PPARGC1B: variants seen among roughly 807,000 people sequenced by gnomAD.
PPARGC1B encodes PPARG coactivator 1 beta.
PPARGC1B carries 34 observed loss-of-function variants against 101.6 expected under a neutral mutation model. That is an observed-to-expected ratio of 0.33 (90% CI 0.25 to 0.45). The LOEUF is 0.45. Ranked by LOEUF, PPARGC1B falls within the 20% of genes least tolerant of loss-of-function variation. The probability of loss-of-function intolerance (pLI) is 1.00; values close to 1 mark genes in which losing one functional copy is unlikely to be tolerated. For synonymous variants in PPARGC1B, 548 were observed against 539.3 expected, an observed-to-expected ratio of 1.02 and a Z score of -0.22; for missense variants, 1,234 against 1,317.6, an observed-to-expected ratio of 0.94 and a Z score of 0.98.
chr5:149,748,100 A>G (rs973585167), intron 1 of PPARGC1B, among the ~76,000 whole-genome samples: 11 of 152,192 alleles, frequency 7.2e-5, no homozygotes, highest in Non-Finnish European at 1.5e-4. Flanking sequence ...GAGGAGGGGC[A>G]GTACCAGCCG....
At chr5:149,827,148 G>C (rs559329068) in intron 3 of PPARGC1B, among the ~76,000 whole-genome samples, 2 of 152,214 alleles carry the variant, frequency 1.3e-5, no homozygotes, top group South Asian at 2.1e-4. Flanking sequence ...ACCAAGTTAC[G>C]TGTTAAATCC....
chr5:149,766,345 T>C (rs1460350995), intron 1 of PPARGC1B, among the ~76,000 whole-genome samples: 1 of 152,222 alleles, frequency 6.6e-6, no homozygotes, highest in African/African-American at 2.4e-5. Context: ...TTAATCTATA[T>C]ATTTAAAGGT....
chr5:149,774,330 G>A (rs1016547077), intron 1 of PPARGC1B, among the ~76,000 whole-genome samples: 5 of 152,274 alleles, frequency 3.3e-5, no homozygotes, highest in Middle Eastern at 6.8e-3. Context: ...ACTGGGCTCC[G>A]GTTTCCTCAC....
chr5:149,750,842 G>T (rs1049644439), intron 1 of PPARGC1B, among the ~76,000 whole-genome samples: 1 of 152,226 alleles, frequency 6.6e-6, no homozygotes, highest in South Asian at 2.1e-4. Flanking sequence ...AAGTACGCAC[G>T]ATGGGTGCCC....
At chr5:149,732,778 G>GAGAA (rs1754551311) in intron 1 of PPARGC1B, 1 of 472,420 alleles carries the variant, frequency 2.1e-6, no homozygotes, top group Non-Finnish European at 4.4e-6. Context: ...TGCGAGGAGT[G>GAGAA]AGCGGCTTGT....
At position 149,830,791 on chromosome 5, in the gene PPARGC1B, T is replaced by A; in HGVS notation, c.490T>A (p.Ser164Thr). Residue 164 changes from serine to threonine, a missense_variant, in exon 4 of 12, where the codon TCC (serine) becomes ACC (threonine). By Grantham distance (58) the Ser-to-Thr change is moderately conservative. Around this residue, in one of 3 missense-constraint regions of PPARGC1B, gnomAD observed 734 missense variants for 768.4 expected, o/e 0.96. Coordinates refer to ENST00000309241, the MANE Select transcript of PPARGC1B (RefSeq NM_133263.4). ...SLLQKLLLAT[S>T]YPTSSSDTQK... Reference sequence around the variant, plus strand: ...GCTGCAGAAGCTCCTCCTGGCCACATCCTACCCAACATCAAGCTCTGACAC... The same window carrying A: ...GCTGCAGAAGCTCCTCCTGGCCACAACCTACCCAACATCAAGCTCTGACAC... 3 of 1,614,034 alleles carry A rather than the reference T, an allele frequency of 1.9e-6. No individual in the cohort carries two copies. The East Asian group carries it at 6.7e-5, about 36-fold the overall frequency.
chr5:149,762,915 C>T (rs1378533101), intron 1 of PPARGC1B, among the ~76,000 whole-genome samples: 1 of 152,114 alleles, frequency 6.6e-6, no homozygotes, highest in East Asian at 1.9e-4. Context: ...GCCTCCCAAG[C>T]AGCTGAAACT....
chr5:149,734,660 C>T (rs1353122528), intron 1 of PPARGC1B, among the ~76,000 whole-genome samples: 1 of 152,130 alleles, frequency 6.6e-6, no homozygotes, highest in Non-Finnish European at 1.5e-5. Flanking sequence ...CTCCATCAAA[C>T]TCATTCCTGG....
chr5:149,857,228 C>T (rs1021764922), downstream of PPARGC1B, among the ~76,000 whole-genome samples: 3 of 152,190 alleles, frequency 2.0e-5, no homozygotes, highest in Non-Finnish European at 2.9e-5. Context: ...GAAATTAGAT[C>T]GTGCACAGTA....
intron 1 of PPARGC1B, among the ~76,000 whole-genome samples, chr5:149,737,445 T>G (rs1392794905): frequency 6.6e-6 from 1 of 152,170 alleles, no homozygotes; most frequent in Non-Finnish European, 1.5e-5. Flanking sequence ...TGTGTCTTCC[T>G]TCTCCATTTC....
chr5:149,735,007 C>T (rs1334078569), intron 1 of PPARGC1B, among the ~76,000 whole-genome samples: 3 of 152,208 alleles, frequency 2.0e-5, no homozygotes, highest in Non-Finnish European at 4.4e-5. Context: ...AATGGCTCCA[C>T]ACACCCCTTG....
chr5:149,856,200 TAAACTC>T (rs921329063), downstream of PPARGC1B, among the ~76,000 whole-genome samples: 1 of 152,256 alleles, frequency 6.6e-6, no homozygotes, highest in African/African-American at 2.4e-5. Flanking sequence ...ATTTATTACA[TAAACTC>T]ATACAAACTC....
chr5:149,842,679 G>A (rs767328892), intron 10 of PPARGC1B, among the ~76,000 whole-genome samples: 1 of 152,232 alleles, frequency 6.6e-6, no homozygotes, highest in Admixed American at 6.5e-5. Context: ...CTTTCTGCAG[G>A]AGTTCAGACA....
intron 1 of PPARGC1B, among the ~76,000 whole-genome samples, chr5:149,795,670 A>T (rs536178519): frequency 6.6e-6 from 1 of 152,128 alleles, no homozygotes; most frequent in East Asian, 1.9e-4. Flanking sequence ...GCAGCTTCTG[A>T]GCGGGATGAG....
At chr5:149,802,482 G>C (rs1440812011) in intron 1 of PPARGC1B, among the ~76,000 whole-genome samples, 1 of 151,846 alleles carries the variant, frequency 6.6e-6, no homozygotes, top group Non-Finnish European at 1.5e-5. Flanking sequence ...CCCCATGGGG[G>C]TCTTTTCCTC....
intron 1 of PPARGC1B, among the ~76,000 whole-genome samples, chr5:149,788,594 A>G (rs886442078): frequency 6.6e-6 from 1 of 152,262 alleles, no homozygotes; most frequent in African/African-American, 2.4e-5. Context: ...CCAAAGGATT[A>G]TAAATCATGC....
intron 1 of PPARGC1B, among the ~76,000 whole-genome samples, chr5:149,801,076 GGA>G (rs773185607): frequency 6.6e-6 from 1 of 152,136 alleles, no homozygotes; most frequent in Non-Finnish European, 1.5e-5. Context: ...TAGGGGATGA[GGA>G]GAGAGAGAGC....
intron 1 of PPARGC1B, among the ~76,000 whole-genome samples, chr5:149,752,005 C>G (rs1309994262): frequency 6.6e-6 from 1 of 152,136 alleles, no homozygotes; most frequent in African/African-American, 2.4e-5. Flanking sequence ...AAGCAAATTG[C>G]CAATTGTAGA....
rs1477684002 is a variant in PPARGC1B at position 149,770,005 on chromosome 5, C to CGTGGACATCT, written c.78+39590_78+39599dup. Among the ~76,000 whole-genome samples, 4 of 152,222 alleles carry CGTGGACATCT rather than the reference C, an allele frequency of 2.6e-5. No individual in the cohort carries two copies. The East Asian group carries it at 7.7e-4, about 29-fold the overall frequency. On this transcript the variant is annotated intron_variant, in intron 1 of 11. Coordinates refer to ENST00000309241, the MANE Select transcript of PPARGC1B (RefSeq NM_133263.4). ...TCTTCTCAGGTTTGGGAGATCAGGACGTGGACATCTGTGGGGGACCTTATG... is the reference window on the plus strand; with the variant it reads ...TCTTCTCAGGTTTGGGAGATCAGGACGTGGACATCTGTGGACATCTGTGGGGGACCTTATG...
Sources: gnomAD v4.1 joint callset for allele counts (sites outside exome capture counted in the v4.1 genomes callset) on GRCh38, gnomAD v4.1.1 for gene constraint, gnomAD v4.1.1 regional missense constraint, MANE v1.5 for transcripts, NCBI Gene and HGNC (gene_info 2026-07-23, HGNC 2026-07-21) for gene names.